The following SPTB variants were observed in gnomAD, a reference collection of about 807,000 sequenced individuals.
SPTB encodes the protein spectrin beta chain, erythrocytic.
Under a neutral mutation model 256.2 loss-of-function variants are expected in SPTB, and 45 were observed. The ratio of observed to expected loss-of-function variants is 0.18; its 90% confidence interval spans 0.14 to 0.23. The LOEUF (loss-of-function observed/expected upper bound fraction) is 0.23. SPTB is among the 10% of genes least tolerant of loss of function. SPTB has a pLI of 1.00. For synonymous variants in SPTB, 1,231 were observed against 1,243.1 expected (o/e 0.99, Z 0.21); for missense variants, 2,715 against 3,040.4 (o/e 0.89, Z 2.52).
At chr14:64,805,742 G>A (rs1005305597) in intron 2 of SPTB, among the ~76,000 whole-genome samples, 3 of 152,214 alleles carry the variant, frequency 2.0e-5, no homozygotes, top group Admixed American at 2.0e-4. Context: ...TTATGTGGCA[G>A]CGCTGTGCTA....
intron 2 of SPTB, among the ~76,000 whole-genome samples, chr14:64,812,849 GCTTT>G (rs1321266325): frequency 6.6e-6 from 1 of 152,000 alleles, no homozygotes; most frequent in Non-Finnish European, 1.5e-5. Context: ...TGCTTCCATG[GCTTT>G]CTATTACATT....
chr14:64,779,092 C>T lies in SPTB; in HGVS notation c.4563+65G>A. The stretch of plus-strand genomic sequence containing the variant: ...CTTCTGCAGGTCAGGGCTGGGCCTA[C>T]CCCCGTGGGGCCAGGTGGGGGTGAG... On this transcript the variant is annotated intron_variant, in intron 22 of 35. Transcript: ENST00000644917. The surrounding 1 kb of genome is among the most constrained non-coding windows in gnomAD (Gnocchi z 4.2). 2 of 1,364,994 alleles carry T rather than the reference C, an allele frequency of 1.5e-6. No homozygotes were observed. Among genetic ancestry groups the T allele is most frequent in the Non-Finnish European group, 2.1e-6 (2 of 970,070 alleles). 84.6% of individuals were successfully genotyped at this position (1,364,994 alleles called of 1,614,324 possible).
chr14:64,794,366 T>C (rs141761711), intron 13 of SPTB, 101 bp downstream of exon 13: 14 of 1,493,420 alleles, frequency 9.4e-6, no homozygotes, highest in Non-Finnish European at 1.3e-5. Flanking sequence ...GTAACAGAAC[T>C]TTAAAGTTGG....
chr14:64,757,811 G>A (rs1361835311), intron 32 of SPTB, among the ~76,000 whole-genome samples: 1 of 152,192 alleles, frequency 6.6e-6, no homozygotes, highest in African/African-American at 2.4e-5. Context: ...GCACTGGGGT[G>A]AGGGAGTAAG....
chr14:64,793,202 G>A lies in SPTB; in HGVS notation c.2461C>T (p.His821Tyr). 6.2e-7 allele frequency: 1 copy of A among 1,612,792 alleles called. No homozygotes were observed. The highest frequency in any genetic ancestry group is 8.5e-7 in the Non-Finnish European group (1 of 1,180,046). The change falls in exon 14 of 36, where the codon CAT (histidine) becomes TAT (tyrosine). Residue 821 changes from histidine (H) to tyrosine (Y), a missense_variant. This residue lies in a region of SPTB where 2,239 missense variants were observed against 2,384.4 expected (regional missense o/e 0.94). Coordinates refer to ENST00000644917, the MANE Select transcript of SPTB (RefSeq NM_001355436.2). The surrounding 1 kb of genome is among the most constrained non-coding windows in gnomAD (Gnocchi z 7.0). ...AGCTCCCGCAGGGCCTGCAGCCGAT[G>A]GGTCACATCTGGGGAATCCCGAAAC... ...EEFRDSPDVT[H>Y]RLQALRELYQ...
At chr14:64,857,563 G>A (rs2083892590) in intron 1 of SPTB, among the ~76,000 whole-genome samples, 1 of 103,998 alleles carries the variant, frequency 9.6e-6, no homozygotes, top group African/African-American at 4.0e-5. Flanking sequence ...GGGCGACAGA[G>A]CAAGACACTG....
In SPTB at chr14:64,760,911, T is replaced by C. The variant is rs1201240495; in HGVS notation, c.6345+5815A>G. ...AACTCTGTGTTCTTACTAATTCTCC[T>C]GCAAGAGAGGAGACCTGTATCCTCA... On this transcript the variant is annotated intron_variant, in intron 32 of 35. Transcript: ENST00000644917. This position sits in a 1 kb window ranked among gnomAD's most constrained non-coding sequence, Gnocchi z 4.3. 1.3e-5 allele frequency among the ~76,000 whole-genome samples: 2 copies of C among 152,220 alleles called. No individual in the cohort carries two copies. Among genetic ancestry groups the C allele is most frequent in the African/African-American group, 2.4e-5 (1 of 41,458 alleles).
At chr14:64,822,581 G>A (rs1410345736) in intron 2 of SPTB, among the ~76,000 whole-genome samples, 1 of 151,996 alleles carries the variant, frequency 6.6e-6, no homozygotes, top group Non-Finnish European at 1.5e-5. Flanking sequence ...TCTAGGCCCA[G>A]GCAGGAAATC....
intron 2 of SPTB, among the ~76,000 whole-genome samples, chr14:64,821,697 G>T (rs553042156): frequency 1.3e-5 from 2 of 152,218 alleles, no homozygotes; most frequent in African/African-American, 2.4e-5. Context: ...GTCAAGGAGG[G>T]TGAGAAGGAG....
rs1303897052 is a variant in SPTB, at chr14:64,817,524, G to A, written c.148+5423C>T. ...CGGGTACCTGGAGACAGACATGGGG[G>A]GAACATGGACAACTGGTGCCTTGTT... On this transcript the variant is annotated intron_variant, in intron 2 of 35. Transcript: ENST00000644917. Among the ~76,000 whole-genome samples, 33 of 152,180 alleles carry A rather than the reference G, an allele frequency of 2.2e-4. 1 individual carries two copies. Among genetic ancestry groups the A allele is most frequent in the Admixed American group, 2.2e-3 (33 of 15,278 alleles).
intron 24 of SPTB, among the ~76,000 whole-genome samples, chr14:64,773,930 T>C (rs1594760608): frequency 6.6e-6 from 1 of 152,136 alleles, no homozygotes. Context: ...CAGTGTGTGG[T>C]CTGTGGCCCA....
Position 64,766,233 on chromosome 14 carries a change from G to A in SPTB, c.6345+493C>T, listed in dbSNP as rs548186778. Among the ~76,000 whole-genome samples the A allele has an allele frequency of 1.7e-4, 25 of 150,712 alleles. No individual in the cohort carries two copies. In the East Asian group the frequency reaches 4.7e-3, roughly 28 times the overall value. ...GCGTGAGGTGTCTGTATATATGGGG[G>A]TGTGTGGTGTGTGTGCATGTGGGTG... On this transcript the variant is annotated intron_variant, in intron 32 of 35. Coordinates refer to ENST00000644917, the MANE Select transcript of SPTB (RefSeq NM_001355436.2).
chr14:64,851,463 T>TAGA (rs778304352), intron 1 of SPTB, among the ~76,000 whole-genome samples: 11 of 151,526 alleles, frequency 7.3e-5, no homozygotes, highest in African/African-American at 2.4e-4. Context: ...GCAGTAGCAG[T>TAGA]AGTAGTAGTA....
chr14:64,822,372 T>A (rs200710862), intron 2 of SPTB, among the ~76,000 whole-genome samples: 415 of 2,380 alleles, frequency 0.17, 33 homozygotes, highest in African/African-American at 0.29. Flanking sequence ...TCTCTCTCTC[T>A]CTCACACACA....
chr14:64,835,899 G>A (rs1044518735), intron 1 of SPTB, among the ~76,000 whole-genome samples: 8 of 152,184 alleles, frequency 5.3e-5, no homozygotes, highest in Non-Finnish European at 7.3e-5. Flanking sequence ...TAGCAGTGAT[G>A]TGTTCTTCTA....
rs1227151697 is a variant in SPTB at position 64,772,934 on chromosome 14, C to G, written c.5199G>C (p.Arg1733=). The change falls in exon 26 of 36, where the codon CGG becomes CGC. Residue 1733 remains arginine (R), a synonymous_variant. Coordinates refer to ENST00000644917, the MANE Select transcript of SPTB (RefSeq NM_001355436.2). This position sits in a 1 kb window ranked among gnomAD's most constrained non-coding sequence, Gnocchi z 5.4. ...TCGCCCCGGTCTCCCGGGCAAAGTCCCGGAACTTGTCCCGCAGAAGCTAGG... is the reference window on the plus strand; with the variant it reads ...TCGCCCCGGTCTCCCGGGCAAAGTCGCGGAACTTGTCCCGCAGAAGCTAGG... The part of the protein sequence containing the change: ...DHVTLLRDKF[R]DFARETGAIG... The G allele has an allele frequency of 6.2e-7, 1 of 1,603,086 alleles. No homozygotes were observed. The highest frequency in any genetic ancestry group is 8.5e-7 in the Non-Finnish European group (1 of 1,174,226).
chr14:64,784,247 C>T lies in SPTB; in HGVS notation c.4002G>A (p.Ala1334=), dbSNP rs755683215. The T allele has an allele frequency of 9.9e-6, 16 of 1,614,084 alleles. No individual in the cohort carries two copies. Among genetic ancestry groups the T allele is most frequent in the Middle Eastern group, 1.6e-4 (1 of 6,082 alleles). The change falls in exon 19 of 36, where the codon GCG becomes GCA. Residue 1334 remains alanine (A), a splice_region_variant and synonymous_variant. Transcript: ENST00000644917. The part of the protein sequence containing the change: ...SHEGWLENID[A]EGKQLMDEKP... The stretch of plus-strand genomic sequence containing the variant: ...CCCGCCGCCCAATCACTTTACTTAC[C>T]GCATCGATGTTCTCTAGCCACCCTT...
In SPTB at chr14:64,775,188, T is replaced by C. The variant is rs4902310; in HGVS notation, c.4779A>G (p.Ala1593=). The change falls in exon 23 of 36, where the codon GCA becomes GCG. Residue 1593 remains alanine, a synonymous_variant. Coordinates refer to ENST00000644917, the MANE Select transcript of SPTB (RefSeq NM_001355436.2). This position sits in a 1 kb window ranked among gnomAD's most constrained non-coding sequence, Gnocchi z 5.0. ...CGCCAATCCAGGCCTCAGCCTCGTC[T>C]GCATCCAGGTAGTACTGCTGTGCCT... is the stretch of plus-strand genomic sequence containing the variant. The part of the protein sequence containing the change: ...ANEAQQYYLD[A]DEAEAWIGEQ... 0.072 allele frequency: 115,563 copies of C among 1,613,904 alleles called. 4,601 individuals carry two copies. The highest frequency in any genetic ancestry group is 0.082 in the Non-Finnish European group (97,040 of 1,179,984).
intron 3 of SPTB, 68 bp downstream of exon 3, chr14:64,804,871 C>T: frequency 6.2e-7 from 1 of 1,605,588 alleles, no homozygotes; most frequent in African/African-American, 1.3e-5. Context: ...TTGAGATGCC[C>T]CCAAACCATG....
Sources: gnomAD v4.1 joint callset for allele counts (sites outside exome capture counted in the v4.1 genomes callset) on GRCh38, gnomAD v4.1.1 for gene constraint, gnomAD v4.1.1 regional missense constraint, Gnocchi (gnomAD v3.1) non-coding constraint, MANE v1.5 for transcripts, NCBI Gene and HGNC (gene_info 2026-07-23, HGNC 2026-07-21) for gene names.